Variants in EXOC6B observed in about 807,000 individuals in gnomAD.
The protein encoded by EXOC6B is exocyst complex component 6B.
EXOC6B carries 54 observed loss-of-function variants against 113.5 expected under a neutral mutation model. The observed-to-expected ratio is 0.48, with a 90% CI of 0.38 to 0.60. The LOEUF is 0.60. EXOC6B is among the 20% of genes least tolerant of loss of function. The probability of loss-of-function intolerance (pLI) is 0.00; values close to 1 mark genes in which losing one functional copy is unlikely to be tolerated. For missense variants in EXOC6B, 797 were observed against 977.5 expected, an observed-to-expected ratio of 0.82 and a Z score of 2.46; for synonymous variants, 357 against 339.0, an observed-to-expected ratio of 1.05 and a Z score of -0.58.
intron 1 of EXOC6B, among the ~76,000 whole-genome samples, chr2:72,796,245 G>A (rs1036004582): frequency 1.3e-5 from 2 of 151,328 alleles, no homozygotes; most frequent in African/African-American, 4.8e-5. Context: ...CTGAGGTCAC[G>A]AGTTCAAGAC....
chr2:72,433,468 T>C (rs1253147308), intron 18 of EXOC6B, among the ~76,000 whole-genome samples: 1 of 152,190 alleles, frequency 6.6e-6, no homozygotes, highest in Non-Finnish European at 1.5e-5. Flanking sequence ...TTGATGGGAG[T>C]AGCATTCAAT....
chr2:72,208,958 T>C (rs1350552410), intron 20 of EXOC6B, among the ~76,000 whole-genome samples: 1 of 152,010 alleles, frequency 6.6e-6, no homozygotes, highest in Non-Finnish European at 1.5e-5. Context: ...GCACGGTGGC[T>C]CATGCCTGTA....
chr2:72,307,759 T>C (rs1006468658), intron 20 of EXOC6B, among the ~76,000 whole-genome samples: 2 of 152,200 alleles, frequency 1.3e-5, no homozygotes, highest in African/African-American at 4.8e-5. Flanking sequence ...TTTTAGAACA[T>C]GATACTGTAT....
intron 6 of EXOC6B, among the ~76,000 whole-genome samples, chr2:72,672,963 A>G (rs1676009496): frequency 6.6e-6 from 1 of 152,342 alleles, no homozygotes; most frequent in South Asian, 2.1e-4. Context: ...CATAAAGAAA[A>G]GATACATATT....
chr2:72,269,252 T>G (rs1280502105), intron 20 of EXOC6B, among the ~76,000 whole-genome samples: 1 of 151,810 alleles, frequency 6.6e-6, no homozygotes, highest in African/African-American at 2.4e-5. Context: ...GTATTTGTTA[T>G]TATATTTAAA....
At chr2:72,363,837 T>G (rs1468319799) in intron 19 of EXOC6B, among the ~76,000 whole-genome samples, 2 of 152,106 alleles carry the variant, frequency 1.3e-5, no homozygotes. Context: ...CTGAATCCAT[T>G]CTGTTGAACT....
chr2:72,410,960 G>A (rs1032350923), intron 18 of EXOC6B, among the ~76,000 whole-genome samples: 1 of 152,196 alleles, frequency 6.6e-6, no homozygotes, highest in African/African-American at 2.4e-5. Flanking sequence ...TATAGCCCCA[G>A]TACTTTGGGA....
intron 19 of EXOC6B, among the ~76,000 whole-genome samples, chr2:72,342,481 A>C (rs916360141): frequency 1.3e-5 from 2 of 152,196 alleles, no homozygotes; most frequent in African/African-American, 4.8e-5. Flanking sequence ...AACCACAATA[A>C]GATAAAACCA....
intron 19 of EXOC6B, among the ~76,000 whole-genome samples, chr2:72,369,968 G>A (rs1410375427): frequency 2.0e-5 from 3 of 151,984 alleles, no homozygotes; most frequent in Non-Finnish European, 2.9e-5. Context: ...CTTCATGTCT[G>A]AAACACCAAA....
At chr2:72,196,068 A>G (rs1679148474) in intron 20 of EXOC6B, among the ~76,000 whole-genome samples, 1 of 152,208 alleles carries the variant, frequency 6.6e-6, no homozygotes, top group South Asian at 2.1e-4. Context: ...TATACACACA[A>G]CTATATTAGG....
chr2:72,677,923 A>T (rs981023190), intron 6 of EXOC6B, among the ~76,000 whole-genome samples: 1 of 152,244 alleles, frequency 6.6e-6, no homozygotes, highest in African/African-American at 2.4e-5. Context: ...TGGTCTAAGG[A>T]CAATCAACCA....
intron 8 of EXOC6B, among the ~76,000 whole-genome samples, chr2:72,536,364 GCAT>G (rs1702291813): frequency 6.6e-6 from 1 of 151,974 alleles, no homozygotes; most frequent in Non-Finnish European, 1.5e-5. Flanking sequence ...GATCCCCCCA[GCAT>G]CATATTTCTG....
chr2:72,684,503 C>CA (rs1375991724), intron 6 of EXOC6B, among the ~76,000 whole-genome samples: 1 of 152,034 alleles, frequency 6.6e-6, no homozygotes, highest in Admixed American at 6.6e-5. Context: ...CATATATCCA[C>CA]AAAAAAACCT....
At chr2:72,758,347 T>C (rs759993346) in intron 1 of EXOC6B, among the ~76,000 whole-genome samples, 1 of 152,024 alleles carries the variant, frequency 6.6e-6, no homozygotes, top group Non-Finnish European at 1.5e-5. Flanking sequence ...GTTATTATGA[T>C]GGAATCTCTG....
intron 6 of EXOC6B, among the ~76,000 whole-genome samples, chr2:72,671,776 AAAGAAAGAAAGAAAGAAAGAAAGAAAG>A (rs1675846840): frequency 8.3e-6 from 1 of 120,508 alleles, no homozygotes; most frequent in African/African-American, 4.0e-5. Flanking sequence ...AGAAAGAAAG[AAAGAAAGAAAGAAAGAAAGAAAGAAAG>A]AAAGAAAGAA....
At chr2:72,674,703 C>T (rs546282940) in intron 6 of EXOC6B, among the ~76,000 whole-genome samples, 15 of 152,036 alleles carry the variant, frequency 9.9e-5, no homozygotes, top group East Asian at 7.8e-4. Flanking sequence ...TGGTGGCAGG[C>T]TCCTGTAGTC....
intron 6 of EXOC6B, among the ~76,000 whole-genome samples, chr2:72,579,304 T>C (rs918707589): frequency 6.6e-6 from 1 of 152,178 alleles, no homozygotes. Context: ...CCTAAACCTG[T>C]TGGGTATCCA....
At chr2:72,605,443 T>C (rs1452880995) in intron 6 of EXOC6B, among the ~76,000 whole-genome samples, 1 of 152,158 alleles carries the variant, frequency 6.6e-6, no homozygotes, top group Admixed American at 6.5e-5. Flanking sequence ...AGTCTCATCT[T>C]GATTATATAA....
At position 72,452,158 on chromosome 2, in the gene EXOC6B, T is replaced by G. The variant is rs148503148; in HGVS notation, c.1980+13002A>C. Among the ~76,000 whole-genome samples, 12 of 152,294 alleles carry G rather than the reference T, an allele frequency of 7.9e-5. No individual in the cohort carries two copies. In the East Asian group the frequency reaches 2.3e-3, roughly 29 times the overall value. ...CTTTACAGTGCACTCCCAACATCAT[T>G]CTTAATGAAGTGGAATTATAAGAAA... is the stretch of plus-strand genomic sequence containing the variant. On this transcript the variant is annotated intron_variant, in intron 18 of 21. Transcript: ENST00000272427.
Sources: allele counts gnomAD v4.1 joint callset (sites outside exome capture counted in the v4.1 genomes callset), GRCh38; gene constraint gnomAD v4.1.1; transcripts MANE v1.5; gene names NCBI Gene and HGNC (gene_info 2026-07-23, HGNC 2026-07-21).